Variants in ERICH6B observed in about 807,000 individuals in gnomAD.
The protein encoded by ERICH6B is glutamate-rich protein 6B.
A neutral mutation model predicts 80.0 loss-of-function variants in ERICH6B; 69 were observed. The observed-to-expected ratio is 0.86, with a 90% CI of 0.71 to 1.05. ERICH6B has a LOEUF of 1.05. ERICH6B is among the 50% of genes least tolerant of loss of function. The pLI is 0.00. For missense variants in ERICH6B, 754 were observed against 796.1 expected, an observed-to-expected ratio of 0.95 and a Z score of 0.64; for synonymous variants, 283 against 291.9, an observed-to-expected ratio of 0.97 and a Z score of 0.31.
At position 45,596,503 on chromosome 13, in the gene ERICH6B, T is replaced by G; in HGVS notation, c.503A>C (p.Glu168Ala). Reference protein sequence around the residue: ...LGKKAYLEEEEYLGKKSYLEE... With the variant: ...LGKKAYLEEEAYLGKKSYLEE... ...TAGATATGATTTCTTCCCCAGATAC[T>G]CCTCCTCCTCCAGATACGCTTTCTT... The change falls in exon 3 of 15, where the codon GAG becomes GCG. Residue 168 changes from glutamate to alanine, a missense_variant. Physicochemically the swap from Glu to Ala is moderately radical, Grantham distance 107. Coordinates refer to ENST00000298738, the MANE Select transcript of ERICH6B (RefSeq NM_182542.3). The G allele has an allele frequency of 6.5e-7, 1 of 1,542,074 alleles. No individual in the cohort carries two copies. The highest frequency in any genetic ancestry group is 8.8e-7 in the Non-Finnish European group (1 of 1,138,162).
rs533474154 is a variant in ERICH6B at position 45,575,898 on chromosome 13, T to C, written c.962-968A>G. ...GAGAAGAACTAGGAGGAAGTGGCTC[T>C]GGCATGATAATTGGGCCCCCAGGAA... On this transcript the variant is annotated intron_variant, in intron 7 of 14. Coordinates refer to ENST00000298738, the MANE Select transcript of ERICH6B (RefSeq NM_182542.3). Among the ~76,000 whole-genome samples, 4 of 152,304 alleles carry C rather than the reference T, an allele frequency of 2.6e-5. No homozygotes were observed. The South Asian group carries it at 6.2e-4, about 24-fold the overall frequency.
chr13:45,549,698 C>G (rs1874133522), intron 13 of ERICH6B, among the ~76,000 whole-genome samples, 195 bp downstream of exon 13: 1 of 152,190 alleles, frequency 6.6e-6, no homozygotes, highest in Admixed American at 6.5e-5. Flanking sequence ...CATGGAGGAG[C>G]AACGGTGCAG....
chr13:45,558,561 C>T (rs755751545), intron 11 of ERICH6B, among the ~76,000 whole-genome samples: 9 of 152,204 alleles, frequency 5.9e-5, no homozygotes, highest in Non-Finnish European at 1.2e-4. Flanking sequence ...ATTATGTTGG[C>T]TGTGGATTTG....
chr13:45,571,361 C>T (rs1875157340), intron 8 of ERICH6B, among the ~76,000 whole-genome samples: 1 of 152,110 alleles, frequency 6.6e-6, no homozygotes, highest in African/African-American at 2.4e-5. Flanking sequence ...TGGCATCATT[C>T]CCTCCAACCA....
At chr13:45,550,118 C>T in intron 12 of ERICH6B, 73 bp from the exon 13 acceptor site, 1 of 1,537,932 alleles carries the variant, frequency 6.5e-7, no homozygotes. Flanking sequence ...GCAGATGATG[C>T]AGGCCTCAGT....
intron 11 of ERICH6B, 128 bp downstream of exon 11, chr13:45,561,241 C>T (rs1000303010): frequency 6.1e-5 from 57 of 930,536 alleles, no homozygotes; most frequent in Non-Finnish European, 7.5e-5. Context: ...CCTCTGATAT[C>T]TTGGATGCAT....
intron 2 of ERICH6B, among the ~76,000 whole-genome samples, chr13:45,598,783 GC>G (rs1261179095): frequency 2.0e-5 from 3 of 152,134 alleles, no homozygotes; most frequent in Non-Finnish European, 4.4e-5. Flanking sequence ...TCAACAGGTG[GC>G]CCCCAGCTGC....
chr13:45,561,905 A>G (rs549734832), intron 10 of ERICH6B, among the ~76,000 whole-genome samples: 73 of 152,358 alleles, frequency 4.8e-4, no homozygotes, highest in African/African-American at 1.8e-3. Flanking sequence ...CACACAGTGA[A>G]TGGTGTGGCT....
chr13:45,572,982 CCT>C (rs1277211218), intron 8 of ERICH6B, among the ~76,000 whole-genome samples: 1 of 151,776 alleles, frequency 6.6e-6, no homozygotes, highest in Admixed American at 6.6e-5. Flanking sequence ...ATTCTCATGC[CCT>C]CTCGGTGGGA....
At chr13:45,593,765 C>A (rs777580108) in intron 3 of ERICH6B, among the ~76,000 whole-genome samples, 1 of 152,224 alleles carries the variant, frequency 6.6e-6, no homozygotes, top group Non-Finnish European at 1.5e-5. Context: ...CTGTGGCAGA[C>A]ATCACTAGTT....
intron 4 of ERICH6B, among the ~76,000 whole-genome samples, chr13:45,588,833 C>T (rs768700826): frequency 5.3e-5 from 8 of 152,176 alleles, no homozygotes; most frequent in Non-Finnish European, 7.3e-5. Context: ...GGGCTGAACA[C>T]TAGCCCTGTG....
chr13:45,581,057 C>A (rs771249172), intron 5 of ERICH6B, among the ~76,000 whole-genome samples: 8 of 152,140 alleles, frequency 5.3e-5, no homozygotes, highest in Non-Finnish European at 1.2e-4. Flanking sequence ...TGTAGACACA[C>A]AATGCGGTGT....
At chr13:45,568,586 G>A in intron 8 of ERICH6B, 135 bp from the exon 9 acceptor site, 2 of 871,494 alleles carry the variant, frequency 2.3e-6, no homozygotes, top group Non-Finnish European at 3.3e-6. Context: ...TGGGAACCAG[G>A]GGCAGGGGGA....
chr13:45,613,042 G>T (rs1389563237), intron 1 of ERICH6B, among the ~76,000 whole-genome samples: 2 of 152,076 alleles, frequency 1.3e-5, no homozygotes, highest in Non-Finnish European at 2.9e-5. Flanking sequence ...TCAGGAGTTT[G>T]CAAGTTTCCA....
chr13:45,599,982 C>G (rs1949816296), intron 2 of ERICH6B, among the ~76,000 whole-genome samples: 1 of 152,146 alleles, frequency 6.6e-6, no homozygotes, highest in African/African-American at 2.4e-5. Flanking sequence ...TTCATGTAGG[C>G]TGCCTCCAGT....
Position 45,587,063 on chromosome 13 carries a change from C to T in ERICH6B, c.856G>A (p.Val286Ile), listed in dbSNP as rs562072463. The T allele has an allele frequency of 2.3e-5, 35 of 1,551,026 alleles. No homozygotes were observed. In the African/African-American group the frequency reaches 2.3e-4, roughly 10 times the overall value. The change falls in exon 5 of 15, where the codon GTA (valine) becomes ATA (isoleucine). Residue 286 changes from valine to isoleucine, a missense_variant and splice_region_variant. By Grantham distance (29) the Val-to-Ile change is conservative (BLOSUM62 3). Coordinates refer to ENST00000298738, the MANE Select transcript of ERICH6B (RefSeq NM_182542.3). ...QTDWCYDRTA[V>I]KSLKSKSETE... ...ACCGACAGAGCGCAGCTTCCCTCAC[C>T]GGCAGTTCTGTCGTAGCACCAGTCT... is the stretch of plus-strand genomic sequence containing the variant.
At chr13:45,615,187 T>G (rs988778725) in intron 1 of ERICH6B, among the ~76,000 whole-genome samples, 1 of 151,952 alleles carries the variant, frequency 6.6e-6, no homozygotes, top group Non-Finnish European at 1.5e-5. Flanking sequence ...CCCCCCACAT[T>G]AGAGAGGTAG....
intron 14 of ERICH6B, among the ~76,000 whole-genome samples, chr13:45,543,493 C>T (rs907635946): frequency 3.3e-5 from 5 of 152,086 alleles, no homozygotes; most frequent in African/African-American, 7.2e-5. Flanking sequence ...AGAAAAAAGA[C>T]GAGGTTTGAC....
intron 7 of ERICH6B, 39 bp downstream of exon 7, chr13:45,579,890 GAAGA>G (rs1875583475): frequency 6.5e-7 from 1 of 1,548,456 alleles, no homozygotes; most frequent in African/African-American, 1.4e-5. Context: ...AGGGCACTCT[GAAGA>G]AAGCAGGGAT....
Sources: allele counts gnomAD v4.1 joint callset (sites outside exome capture counted in the v4.1 genomes callset), GRCh38; gene constraint gnomAD v4.1.1; transcripts MANE v1.5; gene names NCBI Gene and HGNC (gene_info 2026-07-23, HGNC 2026-07-21).